The following ATP13A5 variants were observed in gnomAD, a reference collection of about 807,000 sequenced individuals.
ATP13A5 encodes ATPase 13A5, also known as probable cation-transporting ATPase 13A5.
In ATP13A5, 149 loss-of-function variants were observed where a neutral mutation model predicts 150.2. That is an observed-to-expected ratio of 0.99 (90% CI 0.87 to 1.14). The LOEUF is 1.14. Among genes scored for constraint, ATP13A5 ranks in the 50% most tolerant of loss-of-function variants. The pLI is 0.00. For missense variants in ATP13A5, 1,383 were observed against 1,449.3 expected (o/e 0.95, Z 0.74); for synonymous variants, 497 against 522.2 (o/e 0.95, Z 0.66).
Position 193,305,606 on chromosome 3 carries a change from A to G in ATP13A5, c.2631T>C (p.Pro877=). ...LSEQEASVAS[P]FTSKTTNIQC... ...GGATGTTGGTTGTTTTAGAGGTAAA[A>G]GGGGATGCCACAGATGCTTCCTGCT... is the stretch of plus-strand genomic sequence containing the variant. The change falls in exon 23 of 30, where the codon CCT becomes CCC. Residue 877 remains proline, a synonymous_variant. Coordinates refer to ENST00000342358, the MANE Select transcript of ATP13A5 (RefSeq NM_198505.4). 6.2e-7 allele frequency: 1 copy of G among 1,613,984 alleles called. No homozygotes were observed. Among genetic ancestry groups the G allele is most frequent in the Non-Finnish European group, 8.5e-7 (1 of 1,179,878 alleles).
intron 25 of ATP13A5, 45 bp downstream of exon 25, chr3:193,299,086 A>G (rs761849578): frequency 5.5e-5 from 81 of 1,471,134 alleles, no homozygotes; most frequent in Non-Finnish European, 7.0e-5. Context: ...CTAGAATTTC[A>G]TAGATAAATA....
intron 1 of ATP13A5, among the ~76,000 whole-genome samples, chr3:193,374,795 G>T (rs894436678): frequency 6.6e-6 from 1 of 152,202 alleles, no homozygotes; most frequent in African/African-American, 2.4e-5. Flanking sequence ...GGGCGAATAA[G>T]AGGTAATTAG....
intron 27 of ATP13A5, chr3:193,281,334 T>G (rs1368401895): frequency 3.4e-6 from 1 of 290,556 alleles, no homozygotes; most frequent in Non-Finnish European, 5.1e-6. Context: ...AGGTCTCGCC[T>G]GTGCACAAGT....
At chr3:193,363,615 C>T (rs1713126093) in intron 2 of ATP13A5, among the ~76,000 whole-genome samples, 1 of 152,134 alleles carries the variant, frequency 6.6e-6, no homozygotes, top group Non-Finnish European at 1.5e-5. Flanking sequence ...TTCTGATATG[C>T]ACTGAAATTT....
intron 9 of ATP13A5, among the ~76,000 whole-genome samples, chr3:193,343,208 T>C (rs1283690191): frequency 6.6e-6 from 1 of 152,194 alleles, no homozygotes; most frequent in Non-Finnish European, 1.5e-5. Context: ...AGTTTCTATT[T>C]CTGTGTTGCT....
chr3:193,360,917 A>T (rs1844471), intron 5 of ATP13A5, among the ~76,000 whole-genome samples: 146,541 of 152,290 alleles, frequency 0.96, 70,537 homozygotes, highest in African/African-American at 0.99. Flanking sequence ...CCTCAGGTGA[A>T]CCACCCGCCT....
chr3:193,347,419 A>G (rs979493264), intron 7 of ATP13A5, among the ~76,000 whole-genome samples: 1 of 152,112 alleles, frequency 6.6e-6, no homozygotes, highest in East Asian at 1.9e-4. Context: ...AATCAAACCT[A>G]GGTTCATCTG....
At chr3:193,276,350 G>A (rs556814442) in intron 29 of ATP13A5, among the ~76,000 whole-genome samples, 1 of 152,248 alleles carries the variant, frequency 6.6e-6, no homozygotes, top group Non-Finnish European at 1.5e-5. Flanking sequence ...AATAAGCAAC[G>A]GCTTCTCCTC....
Position 193,324,933 on chromosome 3 carries a change from A to C in ATP13A5, c.1605T>G (p.Ser535=). 1 of 1,614,210 alleles carries C rather than the reference A, an allele frequency of 6.2e-7. No homozygotes were observed. The part of the protein sequence containing the change: ...PLCAAMASCH[S]LILLNGTIQG... The stretch of plus-strand genomic sequence containing the variant: ...GGATGGTCCCATTGAGAAGGATCAG[A>C]GAGTGGCAGCTGGCCATGGCCGCAC... Residue 535 remains serine, a synonymous_variant, in exon 14 of 30, where the codon TCT becomes TCG. Coordinates refer to ENST00000342358, the MANE Select transcript of ATP13A5 (RefSeq NM_198505.4).
chr3:193,364,401 G>C, intron 1 of ATP13A5, 121 bp from the exon 2 acceptor site: 2 of 1,246,436 alleles, frequency 1.6e-6, no homozygotes, highest in South Asian at 3.0e-5. Flanking sequence ...TCTGGTTATA[G>C]GTGGTTAAAT....
chr3:193,339,287 C>T (rs1050365393), intron 9 of ATP13A5, among the ~76,000 whole-genome samples: 21 of 151,942 alleles, frequency 1.4e-4, no homozygotes, highest in African/African-American at 3.1e-4. Flanking sequence ...CTTTTGAATG[C>T]GTTTGCTCTT....
At chr3:193,318,613 C>A (rs958932690) in intron 17 of ATP13A5, among the ~76,000 whole-genome samples, 5 of 152,256 alleles carry the variant, frequency 3.3e-5, no homozygotes, top group African/African-American at 1.2e-4. Context: ...CCTCTCTCAA[C>A]CTCTCTGTGT....
chr3:193,291,158 A>G (rs1396810679), intron 25 of ATP13A5, among the ~76,000 whole-genome samples: 2 of 152,110 alleles, frequency 1.3e-5, no homozygotes, highest in African/African-American at 4.8e-5. Flanking sequence ...TTTCTCACAT[A>G]TAAAATGTGT....
At chr3:193,351,710 G>A (rs1458059119) in intron 6 of ATP13A5, among the ~76,000 whole-genome samples, 1 of 152,146 alleles carries the variant, frequency 6.6e-6, no homozygotes, top group Non-Finnish European at 1.5e-5. Context: ...GTCCTAGCAA[G>A]GTCACATAAG....
At chr3:193,304,963 T>G (rs1461061676) in intron 23 of ATP13A5, among the ~76,000 whole-genome samples, 1 of 152,080 alleles carries the variant, frequency 6.6e-6, no homozygotes, top group Non-Finnish European at 1.5e-5. Context: ...TCACATCTCA[T>G]GAGAACTCCC....
intron 21 of ATP13A5, among the ~76,000 whole-genome samples, chr3:193,309,515 G>GTT (rs1718756880): frequency 3.3e-5 from 5 of 152,080 alleles, no homozygotes; most frequent in Non-Finnish European, 7.4e-5. Flanking sequence ...TCCACGCCCT[G>GTT]TGTAATCCAC....
chr3:193,276,431 G>A (rs1227240732), intron 29 of ATP13A5, among the ~76,000 whole-genome samples: 1 of 152,168 alleles, frequency 6.6e-6, no homozygotes, highest in Non-Finnish European at 1.5e-5. Flanking sequence ...GGGTTGGAAG[G>A]TCACCTGGTC....
intron 5 of ATP13A5, among the ~76,000 whole-genome samples, chr3:193,356,824 T>C (rs1712810161): frequency 8.6e-6 from 1 of 116,018 alleles, no homozygotes; most frequent in African/African-American, 3.5e-5. Flanking sequence ...TTTTTCTTTT[T>C]CTTTTTTGAG....
At position 193,350,457 on chromosome 3, in the gene ATP13A5, G is replaced by C. The variant is rs563252110; in HGVS notation, c.741+610C>G. ...CTCAAAAATGTCAAGGAATTCTCTT[G>C]CTGAAACACTGCCTTATTGAGTATA... On this transcript the variant is annotated intron_variant, in intron 7 of 29. Coordinates refer to ENST00000342358, the MANE Select transcript of ATP13A5 (RefSeq NM_198505.4). 1.1e-4 allele frequency among the ~76,000 whole-genome samples: 17 copies of C among 152,194 alleles called. No homozygotes were observed. The East Asian group carries it at 3.1e-3, about 28-fold the overall frequency.
Sources: gnomAD v4.1 joint callset for allele counts (sites outside exome capture counted in the v4.1 genomes callset) on GRCh38, gnomAD v4.1.1 for gene constraint, MANE v1.5 for transcripts, NCBI Gene and HGNC (gene_info 2026-07-23, HGNC 2026-07-21) for gene names.